Variants in TENM3 observed in about 807,000 individuals in gnomAD.
TENM3 encodes the protein teneurin-3.
TENM3 carries 63 observed loss-of-function variants against 255.1 expected under a neutral mutation model. The ratio of observed to expected loss-of-function variants is 0.25; its 90% confidence interval spans 0.20 to 0.30. TENM3 has a LOEUF of 0.30. TENM3 is among the 10% of genes least tolerant of loss of function. The pLI, the probability that TENM3 is intolerant of heterozygous loss-of-function variation, is 1.00. For missense variants in TENM3, 2,929 were observed against 3,461.1 expected, an observed-to-expected ratio of 0.85 and a Z score of 3.86; for synonymous variants, 1,306 against 1,322.3, an observed-to-expected ratio of 0.99 and a Z score of 0.27.
chr4:182,536,402 C>T (rs116486663), intron 3 of TENM3, among the ~76,000 whole-genome samples: 1,623 of 152,298 alleles, frequency 0.011, 26 homozygotes, highest in African/African-American at 0.034. Context: ...TACTGGGCGC[C>T]GGAGCAAAAT....
chr4:181,982,113 G>A, the TENM3 span, among the ~76,000 whole-genome samples: 14 of 152,132 alleles, frequency 9.2e-5, no homozygotes, highest in African/African-American at 3.4e-4. Context: ...ATATCAGTGG[G>A]AGTAGAAGAG....
At chr4:182,570,393 C>G (rs999761636) in intron 3 of TENM3, among the ~76,000 whole-genome samples, 3 of 152,158 alleles carry the variant, frequency 2.0e-5, no homozygotes, top group African/African-American at 7.2e-5. Flanking sequence ...CACATATTGA[C>G]TCCCAGGCAC....
intron 23 of TENM3, 200 bp downstream of exon 23, chr4:182,773,847 T>A: frequency 4.5e-6 from 2 of 440,562 alleles, no homozygotes; most frequent in Non-Finnish European, 7.9e-6. Context: ...AGATAATCTG[T>A]CATCCTTGGA....
At chr4:182,346,147 G>C (rs1215836337) in intron 2 of TENM3, among the ~76,000 whole-genome samples, 3 of 152,066 alleles carry the variant, frequency 2.0e-5, no homozygotes, top group Admixed American at 6.6e-5. Context: ...AGTCAAGGCG[G>C]AAAAATATAA....
intron 3 of TENM3, among the ~76,000 whole-genome samples, chr4:182,472,747 C>T (rs897547956): frequency 6.6e-6 from 1 of 151,782 alleles, no homozygotes; most frequent in South Asian, 2.1e-4. Context: ...AAGAGAGTCT[C>T]GTTCTGTTGC....
At chr4:182,217,752 T>A (rs758327934) in intron 1 of TENM3, among the ~76,000 whole-genome samples, 2 of 152,208 alleles carry the variant, frequency 1.3e-5, no homozygotes, top group Non-Finnish European at 2.9e-5. Context: ...GTGCACAATA[T>A]GACTATTGCT....
At chr4:182,244,244 C>T (rs907763730) in intron 1 of TENM3, among the ~76,000 whole-genome samples, 1 of 152,082 alleles carries the variant, frequency 6.6e-6, no homozygotes, top group Non-Finnish European at 1.5e-5. Context: ...TGAGCCACCG[C>T]GCCCGGCCTC....
chr4:182,791,333 C>G (rs1427085305), intron 25 of TENM3, among the ~76,000 whole-genome samples: 1 of 152,180 alleles, frequency 6.6e-6, no homozygotes, highest in African/African-American at 2.4e-5. Flanking sequence ...TTTGGCCCAG[C>G]GGGTTAGAGG....
At chr4:182,629,561 C>T (rs1187541969) in intron 5 of TENM3, among the ~76,000 whole-genome samples, 1 of 152,088 alleles carries the variant, frequency 6.6e-6, no homozygotes, top group African/African-American at 2.4e-5. Flanking sequence ...TACTGGAAAT[C>T]GCTTTTTAAA....
chr4:182,590,674 A>G (rs1238685605), intron 3 of TENM3, among the ~76,000 whole-genome samples: 3 of 151,850 alleles, frequency 2.0e-5, no homozygotes, highest in Non-Finnish European at 4.4e-5. Context: ...CCTGGCCAAC[A>G]TGGTGAAACC....
chr4:181,815,070 G>A, the TENM3 span, among the ~76,000 whole-genome samples: 3 of 152,072 alleles, frequency 2.0e-5, no homozygotes, highest in Non-Finnish European at 4.4e-5. Flanking sequence ...TCAAGGTTAG[G>A]AATAAAGGAA....
the TENM3 span, among the ~76,000 whole-genome samples, chr4:181,931,021 T>C: frequency 6.6e-6 from 1 of 152,166 alleles, no homozygotes; most frequent in Non-Finnish European, 1.5e-5. Flanking sequence ...TATCTCAAAA[T>C]AATAAGAGCT....
chr4:181,639,747 A>G, the TENM3 span, among the ~76,000 whole-genome samples: 2 of 152,088 alleles, frequency 1.3e-5, no homozygotes, highest in Non-Finnish European at 2.9e-5. Flanking sequence ...TCTCAAAATA[A>G]ATAAATAAAT....
intron 3 of TENM3, among the ~76,000 whole-genome samples, chr4:182,448,535 A>C (rs370926050): frequency 8.5e-5 from 13 of 152,148 alleles, no homozygotes; most frequent in Non-Finnish European, 1.3e-4. Flanking sequence ...GGATCCGTTC[A>C]TGGGTTGGGA....
chr4:181,455,326 T>C, the TENM3 span, among the ~76,000 whole-genome samples: 1 of 152,110 alleles, frequency 6.6e-6, no homozygotes, highest in Non-Finnish European at 1.5e-5. Flanking sequence ...AATGATGTTA[T>C]GACAATCAGT....
At chr4:182,107,797 T>C in the TENM3 span, among the ~76,000 whole-genome samples, 3 of 152,184 alleles carry the variant, frequency 2.0e-5, no homozygotes, top group Non-Finnish European at 4.4e-5. Flanking sequence ...ATGCTTAACT[T>C]CAAGAGGGGT....
chr4:182,545,930 A>G (rs35492370), intron 3 of TENM3, among the ~76,000 whole-genome samples: 39,462 of 152,124 alleles, frequency 0.26, 6,273 homozygotes, highest in South Asian at 0.37. Flanking sequence ...TTAACCATGA[A>G]TAGCCTACTA....
intron 3 of TENM3, among the ~76,000 whole-genome samples, chr4:182,493,572 G>C (rs1484567973): frequency 6.6e-6 from 1 of 152,080 alleles, no homozygotes; most frequent in Non-Finnish European, 1.5e-5. Flanking sequence ...CATATGAAAA[G>C]TGATACCACT....
At chr4:181,851,871 A>G in the TENM3 span, among the ~76,000 whole-genome samples, 1 of 152,170 alleles carries the variant, frequency 6.6e-6, no homozygotes, top group Non-Finnish European at 1.5e-5. Context: ...CGACATTTTA[A>G]GTCTACCAAG....
Sources: gnomAD v4.1 joint callset for allele counts (sites outside exome capture counted in the v4.1 genomes callset) on GRCh38, gnomAD v4.1.1 for gene constraint, MANE v1.5 for transcripts, NCBI Gene and HGNC (gene_info 2026-07-23, HGNC 2026-07-21) for gene names.